Variants in NEGR1 observed in about 807,000 individuals in gnomAD.
NEGR1 encodes the protein IgLON family member 4.
In NEGR1, 10 loss-of-function variants were observed where a neutral mutation model predicts 40.9. That is an observed-to-expected ratio of 0.24 (90% confidence interval 0.15 to 0.42). The LOEUF (loss-of-function observed/expected upper bound fraction) is 0.42, where lower values mean the gene tolerates loss of function less well. Ranked by LOEUF, NEGR1 falls within the 10% of genes least tolerant of loss-of-function variation. The pLI, the probability that NEGR1 is intolerant of heterozygous loss-of-function variation, is 1.00. For missense variants in NEGR1, 352 were observed against 438.9 expected (o/e 0.80, Z 1.77); for synonymous variants, 185 against 166.8 (o/e 1.11, Z -0.84).
chr1:71,652,591 G>T (rs1246489546), intron 4 of NEGR1, among the ~76,000 whole-genome samples: 2 of 152,252 alleles, frequency 1.3e-5, no homozygotes, highest in African/African-American at 2.4e-5. Flanking sequence ...GAAAAAGCTG[G>T]CCCGGTGTGG....
At chr1:71,661,061 T>C (rs1355012612) in intron 4 of NEGR1, among the ~76,000 whole-genome samples, 1 of 152,220 alleles carries the variant, frequency 6.6e-6, no homozygotes, top group Non-Finnish European at 1.5e-5. Context: ...TAGTATTCCA[T>C]GGTGTGTATG....
chr1:72,065,183 C>G (rs1293956597), intron 1 of NEGR1, among the ~76,000 whole-genome samples: 1 of 151,966 alleles, frequency 6.6e-6, no homozygotes, highest in African/African-American at 2.4e-5. Context: ...TTTTACTGGA[C>G]ATCTTTATTC....
At chr1:71,731,260 T>C (rs1449896201) in intron 3 of NEGR1, among the ~76,000 whole-genome samples, 2 of 152,198 alleles carry the variant, frequency 1.3e-5, no homozygotes, top group African/African-American at 4.8e-5. Context: ...ACATATTTTG[T>C]AGAATAATAC....
chr1:72,018,578 A>T (rs1047849604), intron 1 of NEGR1, among the ~76,000 whole-genome samples: 1 of 152,204 alleles, frequency 6.6e-6, no homozygotes, highest in Admixed American at 6.6e-5. Context: ...AGGGTAAAAA[A>T]CATCCAAACT....
intron 1 of NEGR1, among the ~76,000 whole-genome samples, chr1:72,168,245 C>T (rs1651838215): frequency 6.6e-6 from 1 of 151,968 alleles, no homozygotes; most frequent in African/African-American, 2.4e-5. Context: ...CTCAGGTGAT[C>T]CACCAGCCTC....
intron 3 of NEGR1, among the ~76,000 whole-genome samples, chr1:71,739,570 T>C (rs978508226): frequency 3.3e-5 from 5 of 150,154 alleles, no homozygotes; most frequent in African/African-American, 1.2e-4. Flanking sequence ...TTCCGAAAAA[T>C]GAGTATTTCC....
At chr1:71,692,438 C>T (rs1488199763) in intron 4 of NEGR1, among the ~76,000 whole-genome samples, 2 of 151,552 alleles carry the variant, frequency 1.3e-5, no homozygotes, top group Non-Finnish European at 3.0e-5. Context: ...ACTCTGTTTT[C>T]TTCTAGTCCC....
chr1:71,906,096 C>CTGCTACTGAAG (rs1661266907), intron 2 of NEGR1, among the ~76,000 whole-genome samples: 2 of 152,056 alleles, frequency 1.3e-5, no homozygotes, highest in Admixed American at 6.6e-5. Context: ...GCTGATAAAG[C>CTGCTACTGAAG]CCCCTACTCA....
intron 1 of NEGR1, among the ~76,000 whole-genome samples, chr1:72,252,707 G>A (rs191567913): frequency 7.2e-5 from 11 of 152,240 alleles, no homozygotes; most frequent in Admixed American, 2.0e-4. Flanking sequence ...AGAGAAGATA[G>A]TTTCAATGTA....
intron 1 of NEGR1, among the ~76,000 whole-genome samples, chr1:72,156,565 C>T (rs1220804415): frequency 1.3e-5 from 2 of 152,120 alleles, no homozygotes; most frequent in Non-Finnish European, 2.9e-5. Flanking sequence ...CAAAATATTT[C>T]TTCAATAAAT....
In NEGR1 at chr1:71,660,894, T is replaced by C. The variant is rs145010213; in HGVS notation, c.667+37114A>G. Among the ~76,000 whole-genome samples the C allele has an allele frequency of 2.1e-3, 321 of 152,288 alleles. 9 individuals carry two copies. The East Asian group carries it at 0.055, about 26-fold the overall frequency. On this transcript the variant is annotated intron_variant, in intron 4 of 6. Coordinates refer to ENST00000357731, the MANE Select transcript of NEGR1 (RefSeq NM_173808.3). Reference sequence around the variant, plus strand: ...GGCCCCAGTGTGTGATGTTCCCCTCTCTGTGCCCATATGATCTCATTGTTC... The same window carrying C: ...GGCCCCAGTGTGTGATGTTCCCCTCCCTGTGCCCATATGATCTCATTGTTC...
At chr1:72,003,416 T>C (rs77602512) in intron 1 of NEGR1, among the ~76,000 whole-genome samples, 3,467 of 151,964 alleles carry the variant, frequency 0.023, 120 homozygotes, top group African/African-American at 0.079. Flanking sequence ...AAAAGTTAAA[T>C]AAGCAAGGAG....
intron 6 of NEGR1, among the ~76,000 whole-genome samples, chr1:71,552,569 T>C (rs964050769): frequency 1.1e-4 from 16 of 148,260 alleles, no homozygotes; most frequent in African/African-American, 3.9e-4. Context: ...ATATTCTATA[T>C]ATTCTCTGTA....
chr1:72,113,700 A>G (rs1192876370), intron 1 of NEGR1, among the ~76,000 whole-genome samples: 1 of 151,724 alleles, frequency 6.6e-6, no homozygotes. Context: ...ACTCTTTCTA[A>G]GCAGATTCAA....
intron 2 of NEGR1, among the ~76,000 whole-genome samples, chr1:71,853,074 G>T (rs1475806626): frequency 1.3e-5 from 2 of 151,962 alleles, no homozygotes; most frequent in Non-Finnish European, 2.9e-5. Flanking sequence ...ATATTTGCAG[G>T]CTCTAATCAG....
At chr1:71,810,228 C>T (rs2101761069) in intron 2 of NEGR1, among the ~76,000 whole-genome samples, 1 of 152,170 alleles carries the variant, frequency 6.6e-6, no homozygotes, top group Non-Finnish European at 1.5e-5. Context: ...TGTTCTAGGA[C>T]CTAATGGCTG....
intron 3 of NEGR1, among the ~76,000 whole-genome samples, chr1:71,726,235 G>A (rs1210641687): frequency 6.6e-6 from 1 of 152,034 alleles, no homozygotes; most frequent in Non-Finnish European, 1.5e-5. Context: ...ATCATAAAGT[G>A]TGGATTTTTT....
At chr1:72,164,923 T>C (rs1011595065) in intron 1 of NEGR1, among the ~76,000 whole-genome samples, 7 of 152,122 alleles carry the variant, frequency 4.6e-5, no homozygotes, top group African/African-American at 1.4e-4. Context: ...CCAAATCAAA[T>C]GTTTGCTTTC....
chr1:72,021,327 GA>G (rs1254978204), intron 1 of NEGR1, among the ~76,000 whole-genome samples: 1 of 152,036 alleles, frequency 6.6e-6, no homozygotes, highest in Non-Finnish European at 1.5e-5. Context: ...AACAGAGACT[GA>G]ATATTCACGC....
Sources: gnomAD v4.1 joint callset for allele counts (sites outside exome capture counted in the v4.1 genomes callset) on GRCh38, gnomAD v4.1.1 for gene constraint, MANE v1.5 for transcripts, NCBI Gene and HGNC (gene_info 2026-07-23, HGNC 2026-07-21) for gene names.